SLC39A11: variants seen among roughly 807,000 people sequenced by gnomAD.
SLC39A11 encodes the protein zinc transporter ZIP11.
SLC39A11 carries 33 observed loss-of-function variants against 36.1 expected under a neutral mutation model. The ratio of observed to expected loss-of-function variants is 0.91; its 90% CI spans 0.69 to 1.22. The LOEUF is 1.22. Ranked by LOEUF, SLC39A11 falls within the 50% of genes most tolerant of loss-of-function variation. SLC39A11 has a pLI of 0.00. For missense variants in SLC39A11, 432 were observed against 430.3 expected, an observed-to-expected ratio of 1.00 and a Z score of -0.03; for synonymous variants, 166 against 170.3, an observed-to-expected ratio of 0.97 and a Z score of 0.20.
At chr17:72,754,386 C>T (rs183998336) in intron 6 of SLC39A11, among the ~76,000 whole-genome samples, 1 of 152,122 alleles carries the variant, frequency 6.6e-6, no homozygotes, top group East Asian at 1.9e-4. Flanking sequence ...TCACAAATCA[C>T]CCCTAAAGAA....
intron 6 of SLC39A11, among the ~76,000 whole-genome samples, chr17:72,787,461 G>A (rs2076561116): frequency 6.6e-6 from 1 of 151,788 alleles, no homozygotes; most frequent in South Asian, 2.1e-4. Flanking sequence ...GTTTCACCGT[G>A]TTAGCCAAGA....
chr17:73,014,975 G>T (rs774790507), intron 4 of SLC39A11, among the ~76,000 whole-genome samples: 1 of 152,140 alleles, frequency 6.6e-6, no homozygotes, highest in Non-Finnish European at 1.5e-5. Flanking sequence ...CTCAACTCAG[G>T]TACCTCACTG....
At chr17:72,750,471 C>T (rs2075112255) in intron 6 of SLC39A11, among the ~76,000 whole-genome samples, 1 of 150,424 alleles carries the variant, frequency 6.6e-6, no homozygotes, top group African/African-American at 2.5e-5. Context: ...TTGTAATTTG[C>T]ATGTTCTTGA....
intron 4 of SLC39A11, among the ~76,000 whole-genome samples, chr17:72,959,382 T>C (rs1232426575): frequency 7.6e-6 from 1 of 131,096 alleles, no homozygotes; most frequent in Non-Finnish European, 1.6e-5. Flanking sequence ...AATACTACAC[T>C]CAGCCATAAG....
chr17:73,021,797 G>A (rs2058361237), intron 4 of SLC39A11, among the ~76,000 whole-genome samples: 1 of 152,202 alleles, frequency 6.6e-6, no homozygotes, highest in South Asian at 2.1e-4. Flanking sequence ...AAATGAAAAG[G>A]TGTTCTACCC....
chr17:72,846,140 C>T (rs187718890), intron 6 of SLC39A11, among the ~76,000 whole-genome samples: 4 of 149,446 alleles, frequency 2.7e-5, no homozygotes, highest in African/African-American at 9.9e-5. Context: ...AGTGATTCTC[C>T]TGCCTCAGCC....
intron 4 of SLC39A11, among the ~76,000 whole-genome samples, chr17:73,022,462 G>A (rs1330810139): frequency 3.3e-5 from 5 of 151,984 alleles, no homozygotes; most frequent in Admixed American, 2.6e-4. Context: ...GGGCATGGTG[G>A]TGCACACCTA....
chr17:72,920,156 G>C (rs2083570705), intron 5 of SLC39A11, among the ~76,000 whole-genome samples: 1 of 152,024 alleles, frequency 6.6e-6, no homozygotes, highest in Non-Finnish European at 1.5e-5. Context: ...TTAGACATAA[G>C]TGGAAATTCA....
chr17:73,070,343 A>T (rs774982914), intron 3 of SLC39A11, among the ~76,000 whole-genome samples: 1 of 152,138 alleles, frequency 6.6e-6, no homozygotes, highest in Non-Finnish European at 1.5e-5. Flanking sequence ...CCTTCCATAG[A>T]CAGGGCTGCA....
intron 5 of SLC39A11, among the ~76,000 whole-genome samples, chr17:72,896,871 G>A (rs2082054227): frequency 6.6e-6 from 1 of 151,552 alleles, no homozygotes; most frequent in Non-Finnish European, 1.5e-5. Flanking sequence ...TGACCAACAT[G>A]GAGAAACCCC....
chr17:72,932,880 G>C (rs1433135370), intron 5 of SLC39A11, among the ~76,000 whole-genome samples: 1 of 152,172 alleles, frequency 6.6e-6, no homozygotes, highest in Non-Finnish European at 1.5e-5. Flanking sequence ...CTTATTCTCT[G>C]AACTCCAAAT....
chr17:72,801,107 G>A (rs1405812030), intron 6 of SLC39A11, among the ~76,000 whole-genome samples: 1 of 152,222 alleles, frequency 6.6e-6, no homozygotes, highest in Non-Finnish European at 1.5e-5. Context: ...AGAAGAGGCA[G>A]ATCTAGAGAA....
intron 4 of SLC39A11, among the ~76,000 whole-genome samples, chr17:73,001,531 T>C (rs1211255279): frequency 6.6e-6 from 1 of 151,464 alleles, no homozygotes; most frequent in South Asian, 2.1e-4. Context: ...ACCTGCACAT[T>C]GTGCACATGT....
chr17:73,061,188 C>T (rs550547731), intron 3 of SLC39A11, among the ~76,000 whole-genome samples: 35 of 152,196 alleles, frequency 2.3e-4, no homozygotes, highest in African/African-American at 8.2e-4. Context: ...GGTGAAACCC[C>T]GTCTCTACTG....
chr17:72,889,696 C>A (rs527911485), intron 5 of SLC39A11, among the ~76,000 whole-genome samples: 2 of 152,190 alleles, frequency 1.3e-5, no homozygotes, highest in African/African-American at 4.8e-5. Flanking sequence ...ATAATTTTTA[C>A]TTCCATCTAA....
chr17:72,909,734 CTTTT>C (rs147532192), intron 5 of SLC39A11, among the ~76,000 whole-genome samples: 2 of 134,336 alleles, frequency 1.5e-5, no homozygotes, highest in Non-Finnish European at 3.2e-5. Context: ...GTCTTTCTTT[CTTTT>C]TTTTCTTTTT....
At chr17:72,786,183 C>A (rs2076507833) in intron 6 of SLC39A11, among the ~76,000 whole-genome samples, 1 of 152,174 alleles carries the variant, frequency 6.6e-6, no homozygotes, top group South Asian at 2.1e-4. Context: ...GGGCACCCAG[C>A]TGGAATCTGA....
chr17:72,651,810 G>A (rs760434679), intron 7 of SLC39A11, among the ~76,000 whole-genome samples: 6 of 152,182 alleles, frequency 3.9e-5, no homozygotes, highest in African/African-American at 1.4e-4. Context: ...AGGCAGAACT[G>A]TTCATGAAGT....
intron 3 of SLC39A11, among the ~76,000 whole-genome samples, chr17:73,048,565 G>A (rs544447174): frequency 6.6e-6 from 1 of 152,276 alleles, no homozygotes; most frequent in African/African-American, 2.4e-5. Flanking sequence ...TAATGGGATT[G>A]CTGGGTCAAA....
Sources: allele counts gnomAD v4.1 joint callset (sites outside exome capture counted in the v4.1 genomes callset), GRCh38; gene constraint gnomAD v4.1.1; transcripts MANE v1.5; gene names NCBI Gene and HGNC (gene_info 2026-07-23, HGNC 2026-07-21).